The following PTPRN2 variants were observed in gnomAD, a reference collection of about 807,000 sequenced individuals.
PTPRN2 encodes the protein protein tyrosine phosphatase receptor type N2.
PTPRN2 carries 74 observed loss-of-function variants against 118.8 expected under a neutral mutation model. The ratio of observed to expected loss-of-function variants is 0.62; its 90% CI spans 0.52 to 0.76. PTPRN2 has a LOEUF of 0.76. Ranked by LOEUF, PTPRN2 falls within the 30% of genes least tolerant of loss-of-function variation. The pLI is 0.00. For missense variants in PTPRN2, 1,481 were observed against 1,394.4 expected (o/e 1.06, Z -0.99); for synonymous variants, 641 against 608.0 (o/e 1.05, Z -0.80).
Position 158,489,755 on chromosome 7 carries a change from G to A in PTPRN2, c.143C>T (p.Ala48Val), listed in dbSNP as rs1423774299. Residue 48 changes from alanine (A) to valine (V), a missense_variant, in exon 2 of 23, where the codon GCG becomes GTG. Around this residue, in one of 3 missense-constraint regions of PTPRN2, gnomAD observed 1,115 missense variants for 994.2 expected, o/e 1.12. Transcript: ENST00000389418. Reference sequence around the variant, plus strand: ...CTCACCGTTCACACAGGCCTCGGACGCTCCGCAGAGGCCCTCCTCGAGCAG... The same window carrying A: ...CTCACCGTTCACACAGGCCTCGGACACTCCGCAGAGGCCCTCCTCGAGCAG... ...GCLLEEGLCGASEACVNDGVF... is the reference protein window; with the variant it reads ...GCLLEEGLCGVSEACVNDGVF... The A allele has an allele frequency of 1.9e-6, 3 of 1,583,184 alleles. No homozygotes were observed. Among genetic ancestry groups the A allele is most frequent in the Non-Finnish European group, 2.6e-6 (3 of 1,165,880 alleles).
intron 3 of PTPRN2, among the ~76,000 whole-genome samples, chr7:158,287,141 A>C (rs1192903102): frequency 6.6e-6 from 1 of 152,130 alleles, no homozygotes; most frequent in Non-Finnish European, 1.5e-5. Context: ...ATAATTGTTC[A>C]TAGTCTCATG....
chr7:158,164,064 C>G (rs1822641904), intron 6 of PTPRN2, among the ~76,000 whole-genome samples: 1 of 152,234 alleles, frequency 6.6e-6, no homozygotes, highest in Non-Finnish European at 1.5e-5. Flanking sequence ...ATGCCAAGCA[C>G]ATTGTGTAAC....
chr7:158,072,918 G>C (rs904791168), intron 11 of PTPRN2, among the ~76,000 whole-genome samples: 1 of 152,190 alleles, frequency 6.6e-6, no homozygotes, highest in Non-Finnish European at 1.5e-5. Context: ...CTCAAGACCT[G>C]AGCTTGTCCC....
intron 12 of PTPRN2, among the ~76,000 whole-genome samples, chr7:157,694,103 C>A (rs1797656389): frequency 6.6e-6 from 1 of 152,256 alleles, no homozygotes; most frequent in Admixed American, 6.5e-5. Flanking sequence ...CAAATAAATA[C>A]AATTCTTTTC....
chr7:158,155,556 T>TGC (rs1563529042), intron 6 of PTPRN2, among the ~76,000 whole-genome samples: 3 of 83,250 alleles, frequency 3.6e-5, no homozygotes, highest in Middle Eastern at 5.1e-3. Context: ...ATCAACACCA[T>TGC]CATCATCATT....
chr7:158,502,020 A>G (rs1361508033), intron 1 of PTPRN2, among the ~76,000 whole-genome samples: 1 of 152,166 alleles, frequency 6.6e-6, no homozygotes, highest in African/African-American at 2.4e-5. Flanking sequence ...TAAAGCCGTC[A>G]CGGAGTAAAA....
At chr7:158,147,821 C>G (rs1251082904) in intron 6 of PTPRN2, among the ~76,000 whole-genome samples, 3 of 130,214 alleles carry the variant, frequency 2.3e-5, no homozygotes, top group Non-Finnish European at 3.3e-5. Flanking sequence ...CACGTCTTTC[C>G]CCCTCAATGA....
intron 1 of PTPRN2, among the ~76,000 whole-genome samples, chr7:158,516,628 G>A (rs1477014090): frequency 6.6e-6 from 1 of 151,360 alleles, no homozygotes; most frequent in African/African-American, 2.4e-5. Context: ...ATTGTTCCTG[G>A]TGCTGTTCTT....
chr7:158,186,699 CGCCTGGGCCACCTG>C (rs1825189772), intron 5 of PTPRN2, among the ~76,000 whole-genome samples: 1 of 152,176 alleles, frequency 6.6e-6, no homozygotes, highest in Non-Finnish European at 1.5e-5. Context: ...GTCAGAAGCC[CGCCTGGGCCACCTG>C]CCCCCTCTGG....
rs183899402 is a variant in PTPRN2, at chr7:157,645,980, G to A, written c.2196+10377C>T. Among the ~76,000 whole-genome samples the A allele has an allele frequency of 3.5e-3, 537 of 152,344 alleles. 1 individual carries two copies. Among genetic ancestry groups the A allele is most frequent in the Non-Finnish European group, 6.7e-3 (456 of 68,024 alleles). ...CTTTTGAAAAAGGTGCAAGACGTAA[G>A]GGCTAAAATCTTTCAGTTTAGAGAT... On this transcript the variant is annotated intron_variant, in intron 14 of 22. Transcript: ENST00000389418.
intron 2 of PTPRN2, among the ~76,000 whole-genome samples, chr7:158,339,774 C>G (rs1806294523): frequency 9.5e-6 from 1 of 104,820 alleles, no homozygotes; most frequent in African/African-American, 3.6e-5. Context: ...AGACGTCACT[C>G]ACACCCACAC....
chr7:158,512,949 A>G (rs1179248577), intron 1 of PTPRN2, among the ~76,000 whole-genome samples: 1 of 152,234 alleles, frequency 6.6e-6, no homozygotes, highest in Admixed American at 6.5e-5. Context: ...ATAAATGGGA[A>G]GAAAGAGACA....
chr7:158,077,573 C>T (rs56142511), intron 11 of PTPRN2, among the ~76,000 whole-genome samples: 59 of 29,630 alleles, frequency 2.0e-3, no homozygotes, highest in African/African-American at 3.6e-3. Flanking sequence ...ACCCCCACCA[C>T]ACAGGGCTGA....
intron 2 of PTPRN2, among the ~76,000 whole-genome samples, chr7:158,328,589 C>G (rs1281941564): frequency 6.6e-6 from 1 of 152,198 alleles, no homozygotes; most frequent in Non-Finnish European, 1.5e-5. Context: ...GGGAGCCTCA[C>G]TGTCCGGAGA....
intron 3 of PTPRN2, among the ~76,000 whole-genome samples, chr7:158,270,860 ACCTGGACCGCCCCC>A (rs1798366437): frequency 1.3e-4 from 1 of 7,658 alleles, no homozygotes; most frequent in Non-Finnish European, 2.4e-4. Context: ...CCGCCCCCCC[ACCTGGACCGCCCCC>A]TCCACCTGGA....
At chr7:158,165,771 G>A (rs1386915664) in intron 6 of PTPRN2, among the ~76,000 whole-genome samples, 1 of 152,228 alleles carries the variant, frequency 6.6e-6, no homozygotes, top group South Asian at 2.1e-4. Flanking sequence ...GGAAATAAAT[G>A]GGTCGGAACC....
intron 2 of PTPRN2, among the ~76,000 whole-genome samples, chr7:158,440,788 ATGGGG>A (rs2129433132): frequency 2.0e-5 from 2 of 100,892 alleles, no homozygotes; most frequent in South Asian, 4.0e-4. Context: ...GGTGATGGTG[ATGGGG>A]GTGGTAGTGG....
At chr7:158,325,535 A>G (rs1297955232) in intron 2 of PTPRN2, among the ~76,000 whole-genome samples, 1 of 152,248 alleles carries the variant, frequency 6.6e-6, no homozygotes, top group Non-Finnish European at 1.5e-5. Flanking sequence ...TGTAAACAGC[A>G]TATTAAGGTA....
Position 157,948,046 on chromosome 7 carries a change from G to A in PTPRN2, c.1724-49309C>T, listed in dbSNP as rs537899625. On this transcript the variant is annotated intron_variant, in intron 11 of 22. Transcript: ENST00000389418. Reference sequence around the variant, plus strand: ...TGTCACTAGTAGACAAGCTCTGTAAGAAATGCTAAAGGTGACAGGCTGAAA... The same window carrying A: ...TGTCACTAGTAGACAAGCTCTGTAAAAAATGCTAAAGGTGACAGGCTGAAA... Among the ~76,000 whole-genome samples, 13 of 152,314 alleles carry A rather than the reference G, an allele frequency of 8.5e-5. No homozygotes were observed. In the South Asian group the frequency reaches 2.7e-3, roughly 32 times the overall value.
Sources: allele counts gnomAD v4.1 joint callset (sites outside exome capture counted in the v4.1 genomes callset), GRCh38; gene constraint gnomAD v4.1.1; regional missense constraint gnomAD v4.1.1; transcripts MANE v1.5; gene names NCBI Gene and HGNC (gene_info 2026-07-23, HGNC 2026-07-21).